Variants in CHD2 observed in about 807,000 individuals in gnomAD.
The protein encoded by CHD2 is ATP-dependent chromatin remodeler CHD2.
In CHD2, 28 loss-of-function variants were observed where a neutral mutation model predicts 243.9. That is an observed-to-expected ratio of 0.11 (90% CI 0.09 to 0.16). The LOEUF (loss-of-function observed/expected upper bound fraction) is 0.16, where lower values mean the gene tolerates loss of function less well. Among genes scored for constraint, CHD2 ranks in the 10% least tolerant of loss-of-function variants. The pLI is 1.00. For missense variants in CHD2, 1,386 were observed against 2,209.8 expected (o/e 0.63, Z 7.47); for synonymous variants, 775 against 779.0 (o/e 0.99, Z 0.09).
chr15:92,937,654 G>C (rs754142505), intron 6 of CHD2, 29 bp downstream of exon 6: 84 of 1,510,530 alleles, frequency 5.6e-5, no homozygotes, highest in Non-Finnish European at 6.3e-5. Context: ...ATCTCTACTT[G>C]GGATGAGCTT....
chr15:92,922,629 T>C (rs1196557317), intron 2 of CHD2, among the ~76,000 whole-genome samples: 4 of 152,240 alleles, frequency 2.6e-5, no homozygotes, highest in Non-Finnish European at 5.9e-5. Flanking sequence ...TTGTGCCACG[T>C]GTCTTATCTC....
At chr15:92,985,356 C>A in intron 25 of CHD2, 142 bp from the exon 26 acceptor site, 1 of 717,298 alleles carries the variant, frequency 1.4e-6, no homozygotes, top group Non-Finnish European at 2.1e-6. Context: ...ACCTGTCTCC[C>A]CTTATTTGTC....
chr15:92,965,579 AAAAAAAAAAAAAAAAAC>A (rs1567144574), intron 16 of CHD2, among the ~76,000 whole-genome samples: 2 of 38,996 alleles, frequency 5.1e-5, no homozygotes, highest in East Asian at 5.3e-3. Flanking sequence ...AAAAAAAAAA[AAAAAAAAAAAAAAAAAC>A]CAACTCAGAA....
At position 93,024,702 on chromosome 15, in the gene CHD2, A is replaced by G; in HGVS notation, c.5484A>G (p.Thr1828=). 1 of 1,607,718 alleles carries G rather than the reference A, an allele frequency of 6.2e-7. No individual in the cohort carries two copies. The highest frequency in any genetic ancestry group is 8.5e-7 in the Non-Finnish European group (1 of 1,176,100). The change falls in exon 39 of 39, where the codon ACA becomes ACG. Residue 1828 remains threonine (T), a synonymous_variant. Transcript: ENST00000394196. ...ATTATAACTGGAATGTTCGGAAAACATAAAGGACAGCTCGTAAAGGAGAGA... is the reference window on the plus strand; with the variant it reads ...ATTATAACTGGAATGTTCGGAAAACGTAAAGGACAGCTCGTAAAGGAGAGA... ...NPDYNWNVRK[T] is the part of the protein sequence containing the mutation.
At chr15:92,945,925 C>A in intron 11 of CHD2, 60 bp downstream of exon 11, 1 of 1,470,242 alleles carries the variant, frequency 6.8e-7, no homozygotes, top group Non-Finnish European at 9.3e-7. Flanking sequence ...GTATGTTTTG[C>A]AGATTATTTT....
At chr15:92,934,380 A>G (rs2053227902) in intron 5 of CHD2, among the ~76,000 whole-genome samples, 1 of 151,972 alleles carries the variant, frequency 6.6e-6, no homozygotes, top group South Asian at 2.1e-4. Context: ...AGTTCTCAAA[A>G]TTTCGGGAAA....
chr15:92,970,864 A>G (rs1274002867), intron 17 of CHD2, among the ~76,000 whole-genome samples: 1 of 152,204 alleles, frequency 6.6e-6, no homozygotes, highest in Non-Finnish European at 1.5e-5. Flanking sequence ...TAAGAGAAGC[A>G]TGAAGAAATT....
intron 37 of CHD2, 71 bp from the exon 38 acceptor site, chr15:93,019,941 A>AAG: frequency 6.5e-7 from 1 of 1,545,730 alleles, no homozygotes; most frequent in Non-Finnish European, 8.7e-7. Flanking sequence ...CTCCAAAAAA[A>AAG]AAAAAATTGT....
At chr15:92,991,754 G>C (rs1002151280) in intron 27 of CHD2, 9 of 390,072 alleles carry the variant, frequency 2.3e-5, no homozygotes, top group African/African-American at 1.7e-4. Context: ...TCGTGAGGGA[G>C]ATAAAGCAAG....
chr15:92,904,381 G>T, intron 2 of CHD2: 8 of 929,932 alleles, frequency 8.6e-6, no homozygotes, highest in Non-Finnish European at 9.0e-6. Context: ...CCTCCGCCCC[G>T]TGACGTCAGA....
chr15:92,908,003 A>ATTTTTT (rs71877681), intron 2 of CHD2, among the ~76,000 whole-genome samples: 3 of 107,616 alleles, frequency 2.8e-5, no homozygotes, highest in Admixed American at 1.0e-4. Flanking sequence ...CTCTCTTAGA[A>ATTTTTT]TTTTTTTTTT....
At chr15:92,910,564 C>A (rs930887522) in intron 2 of CHD2, among the ~76,000 whole-genome samples, 2 of 152,066 alleles carry the variant, frequency 1.3e-5, no homozygotes, top group Non-Finnish European at 2.9e-5. Flanking sequence ...CCAGCTACTT[C>A]TTACTATTTT....
At position 93,002,233 on chromosome 15, in the gene CHD2, G is replaced by A; in HGVS notation, c.4194G>A (p.Lys1398=). The change falls in exon 33 of 39, where the codon AAG becomes AAA. Residue 1398 remains lysine, a synonymous_variant. Transcript: ENST00000394196. ...MKKKQKKKEN[K]ENKEKQMSSR... ...AAAAACAGAAGAAGAAAGAGAACAAGGAGAACAAGGAGAAACAAATGAGTT... is the reference window on the plus strand; with the variant it reads ...AAAAACAGAAGAAGAAAGAGAACAAAGAGAACAAGGAGAAACAAATGAGTT... 3.1e-6 allele frequency: 5 copies of A among 1,599,516 alleles called. No individual in the cohort carries two copies. Among genetic ancestry groups the A allele is most frequent in the Non-Finnish European group, 4.3e-6 (5 of 1,172,496 alleles).
chr15:92,948,834 G>A (rs761232784), intron 12 of CHD2, 118 bp from the exon 13 acceptor site: 82 of 1,164,272 alleles, frequency 7.0e-5, no homozygotes, highest in African/African-American at 5.1e-4. Context: ...GCAAGACTCC[G>A]TCTCAAAAAA....
chr15:92,952,335 G>C (rs1314458088), intron 13 of CHD2, among the ~76,000 whole-genome samples: 1 of 152,192 alleles, frequency 6.6e-6, no homozygotes, highest in Admixed American at 6.5e-5. Flanking sequence ...GGAGGAGGGA[G>C]GGGGATGGTT....
chr15:92,988,869 CCTTT>C (rs1302964685), intron 26 of CHD2, among the ~76,000 whole-genome samples: 3 of 151,688 alleles, frequency 2.0e-5, no homozygotes, highest in African/African-American at 7.3e-5. Context: ...TCATTTTCGA[CCTTT>C]CTTTTTAATT....
intron 2 of CHD2, chr15:92,921,327 C>T (rs957522423): frequency 1.3e-5 from 2 of 152,070 alleles, no homozygotes; most frequent in African/African-American, 4.8e-5. Flanking sequence ...AGTCATGTGC[C>T]TTGAGAAATT....
Position 92,931,655 on chromosome 15 carries a change from C to T in CHD2, c.443+2564C>T, listed in dbSNP as rs890840021. 5.9e-5 allele frequency among the ~76,000 whole-genome samples: 9 copies of T among 152,192 alleles called. No individual in the cohort carries two copies. In the East Asian group the frequency reaches 7.7e-4, roughly 13 times the overall value. The stretch of plus-strand genomic sequence containing the variant: ...CTCCAAAAGTGTTGGGATTAGCATA[C>T]GTGAGCCACTGCACCCAGCCTGTGT... On this transcript the variant is annotated intron_variant, in intron 5 of 38. Coordinates refer to ENST00000394196, the MANE Select transcript of CHD2 (RefSeq NM_001271.4).
At chr15:92,904,340 A>C (rs1452658407) in intron 2 of CHD2, 8 of 619,216 alleles carry the variant, frequency 1.3e-5, no homozygotes, top group Non-Finnish European at 1.6e-5. Context: ...GCGCCTGGTA[A>C]CAGCAGGGTC....
Sources: allele counts gnomAD v4.1 joint callset (sites outside exome capture counted in the v4.1 genomes callset), GRCh38; gene constraint gnomAD v4.1.1; transcripts MANE v1.5; gene names NCBI Gene and HGNC (gene_info 2026-07-23, HGNC 2026-07-21).